Variants in GNPTAB observed in about 807,000 individuals in gnomAD.
GNPTAB encodes N-acetylglucosamine-1-phosphate transferase subunits alpha and beta, also known as N-acetylglucosamine-1-phosphotransferase subunits alpha/beta.
A neutral mutation model predicts 136.6 loss-of-function variants in GNPTAB; 92 were observed. The ratio of observed to expected loss-of-function variants is 0.67; its 90% CI spans 0.57 to 0.80. GNPTAB has a LOEUF of 0.80. Ranked by LOEUF, GNPTAB falls within the 30% of genes least tolerant of loss-of-function variation. The probability of loss-of-function intolerance (pLI) is 0.00; values close to 1 mark genes in which losing one functional copy is unlikely to be tolerated. For synonymous variants in GNPTAB, 512 were observed against 535.1 expected, an observed-to-expected ratio of 0.96 and a Z score of 0.60; for missense variants, 1,343 against 1,501.8, an observed-to-expected ratio of 0.89 and a Z score of 1.75.
intron 1 of GNPTAB, among the ~76,000 whole-genome samples, chr12:101,818,458 A>G (rs1180817308): frequency 6.7e-6 from 1 of 149,624 alleles, no homozygotes; most frequent in South Asian, 2.1e-4. Flanking sequence ...GCTCACCACA[A>G]CCTCCATCTC....
intron 13 of GNPTAB, 42 bp from the exon 14 acceptor site, chr12:101,761,805 T>G: frequency 7.3e-7 from 1 of 1,374,096 alleles, no homozygotes. Context: ...TTATGTTTAG[T>G]GCACAAGTGT....
At chr12:101,757,538 T>A (rs778051529) in intron 17 of GNPTAB, 34 bp downstream of exon 17, 1 of 1,022,958 alleles carries the variant, frequency 9.8e-7, no homozygotes, top group Admixed American at 1.7e-5. Flanking sequence ...ATTACTCTTA[T>A]ACTAAACAAA....
chr12:101,764,306 C>T lies in GNPTAB; in HGVS notation c.2611G>A (p.Gly871Ser), dbSNP rs56212569. 3,296 of 1,613,954 alleles carry T rather than the reference C, an allele frequency of 2.0e-3. 72 individuals are homozygous for T. In the African/African-American group the frequency reaches 0.038, roughly 19 times the overall value. The change falls in exon 13 of 21, where the codon GGC becomes AGC. Residue 871 changes from glycine to serine, a missense_variant. Gly to Ser is a moderately conservative substitution (Grantham distance 56). Coordinates refer to ENST00000299314, the MANE Select transcript of GNPTAB (RefSeq NM_024312.5). The part of the protein sequence containing the change: ...RMEENAENHI[G>S]VTEVLLGRKL... Reference sequence around the variant, plus strand: ...CTTCCAAGTAACACTTCAGTAACGCCTATGTGATTTTCAGCATTTTCCTCC... The same window carrying T: ...CTTCCAAGTAACACTTCAGTAACGCTTATGTGATTTTCAGCATTTTCCTCC...
Position 101,807,885 on chromosome 12 carries a change from AAAAC to A in GNPTAB, c.118-11127_118-11124del, listed in dbSNP as rs1387426036. On this transcript the variant is annotated intron_variant, in intron 1 of 20. Transcript: ENST00000299314. ...CTGTGCAACGGTAAGACTCTCTCAA[AAAAC>A]AAACAAATAAAAACAAAGTTAACAT... Among the ~76,000 whole-genome samples, 5 of 152,174 alleles carry A rather than the reference AAAAC, an allele frequency of 3.3e-5. No homozygotes were observed. In the South Asian group the frequency reaches 8.3e-4, roughly 25 times the overall value.
chr12:101,804,607 C>T (rs1356680220), intron 1 of GNPTAB, among the ~76,000 whole-genome samples: 2 of 152,148 alleles, frequency 1.3e-5, no homozygotes, highest in Admixed American at 1.3e-4. Context: ...TTATTTAAAA[C>T]GTAAACTAAG....
chr12:101,762,828 A>G (rs533070309), intron 13 of GNPTAB, among the ~76,000 whole-genome samples: 132 of 152,000 alleles, frequency 8.7e-4, no homozygotes, highest in African/African-American at 3.1e-3. Flanking sequence ...AAGAAGGAAG[A>G]ACTTTCCTTT....
intron 1 of GNPTAB, among the ~76,000 whole-genome samples, chr12:101,803,445 T>C (rs1456524912): frequency 6.6e-6 from 1 of 152,242 alleles, no homozygotes. Flanking sequence ...AGTGGCTTAA[T>C]GCAATAAAGC....
chr12:101,810,432 T>TACACACACACACACACACACACAC (rs71438442), intron 1 of GNPTAB: 1 of 107,504 alleles, frequency 9.3e-6, no homozygotes, highest in Non-Finnish European at 1.9e-5. Context: ...TACACACACA[T>TACACACACACACACACACACACAC]ACACACACAC....
At chr12:101,784,186 T>C (rs1169432759) in intron 5 of GNPTAB, among the ~76,000 whole-genome samples, 2 of 152,192 alleles carry the variant, frequency 1.3e-5, no homozygotes, top group Non-Finnish European at 2.9e-5. Flanking sequence ...TTATAAGTAT[T>C]ACAGAAATAC....
intron 2 of GNPTAB, 177 bp downstream of exon 2, chr12:101,796,500 T>C (rs575419105): frequency 9.7e-6 from 6 of 620,036 alleles, no homozygotes; most frequent in Middle Eastern, 3.7e-4. Flanking sequence ...AGTTTTTTTT[T>C]CCTTTTTTTT....
chr12:101,792,972 C>G (rs548577872), intron 2 of GNPTAB, among the ~76,000 whole-genome samples: 1 of 152,208 alleles, frequency 6.6e-6, no homozygotes, highest in Admixed American at 6.5e-5. Flanking sequence ...TCAGGTAATG[C>G]TGATGTTGCT....
intron 1 of GNPTAB, among the ~76,000 whole-genome samples, chr12:101,818,836 G>A (rs1003152695): frequency 1.3e-5 from 2 of 152,114 alleles, no homozygotes; most frequent in South Asian, 2.1e-4. Context: ...TTCCCATGCT[G>A]TTCCTGTGAT....
chr12:101,809,010 T>G (rs1005332811), intron 1 of GNPTAB, among the ~76,000 whole-genome samples: 3 of 152,064 alleles, frequency 2.0e-5, no homozygotes, highest in Non-Finnish European at 4.4e-5. Flanking sequence ...AACTATTGAC[T>G]GAGAAAAAAT....
chr12:101,753,881 G>A (rs189651175), intron 18 of GNPTAB, among the ~76,000 whole-genome samples: 272 of 152,288 alleles, frequency 1.8e-3, no homozygotes, highest in African/African-American at 6.2e-3. Flanking sequence ...CAGGCATGGC[G>A]GCTCACACCT....
At chr12:101,823,801 A>G (rs75209429) in intron 1 of GNPTAB, among the ~76,000 whole-genome samples, 2,241 of 152,310 alleles carry the variant, frequency 0.015, 59 homozygotes, top group African/African-American at 0.051. Context: ...TGTGTTTAAC[A>G]AAGCTCCATA....
At position 101,765,188 on chromosome 12, in the gene GNPTAB, C is replaced by T; in HGVS notation, c.1729G>A (p.Glu577Lys). 1 of 1,614,126 alleles carries T rather than the reference C, an allele frequency of 6.2e-7. No individual in the cohort carries two copies. Among genetic ancestry groups the T allele is most frequent in the Non-Finnish European group, 8.5e-7 (1 of 1,179,992 alleles). Reference protein sequence around the residue: ...SFAEVAKRGVEGAYSDNPIIR... With the variant: ...SFAEVAKRGVKGAYSDNPIIR... ...ATTGGATTGTCACTATAGGCACCTT[C>T]AACTCCTCTTTTGGCTACTTCTGCA... Residue 577 changes from glutamate (E) to lysine (K), a missense_variant, in exon 13 of 21, where the codon GAA (glutamate) becomes AAA (lysine). Transcript: ENST00000299314.
At chr12:101,824,432 A>ATATATATAT (rs1188582277) in intron 1 of GNPTAB, among the ~76,000 whole-genome samples, 1 of 50,884 alleles carries the variant, frequency 2.0e-5, no homozygotes, top group African/African-American at 8.5e-5. Context: ...ATATATATAT[A>ATATATATAT]TTTTCTTTTT....
intron 1 of GNPTAB, among the ~76,000 whole-genome samples, chr12:101,821,974 A>G (rs778390442): frequency 2.0e-5 from 3 of 152,208 alleles, no homozygotes; most frequent in Admixed American, 6.5e-5. Context: ...TCCCATTATT[A>G]TCAGATTCTT....
At chr12:101,793,769 T>C (rs551625848) in intron 2 of GNPTAB, among the ~76,000 whole-genome samples, 1 of 152,374 alleles carries the variant, frequency 6.6e-6, no homozygotes, top group Admixed American at 6.5e-5. Flanking sequence ...AACAGTCCCT[T>C]GGTTCTACAT....
Sources: allele counts gnomAD v4.1 joint callset (sites outside exome capture counted in the v4.1 genomes callset), GRCh38; gene constraint gnomAD v4.1.1; transcripts MANE v1.5; gene names NCBI Gene and HGNC (gene_info 2026-07-23, HGNC 2026-07-21).